USP2: variants seen among roughly 807,000 people sequenced by gnomAD.
USP2 encodes ubiquitin carboxyl-terminal hydrolase 2.
USP2 carries 33 observed loss-of-function variants against 72.0 expected under a neutral mutation model. The ratio of observed to expected loss-of-function variants is 0.46; its 90% CI spans 0.35 to 0.61. USP2 has a LOEUF of 0.61. USP2 is among the 20% of genes least tolerant of loss of function. The pLI, the probability that USP2 is intolerant of heterozygous loss-of-function variation, is 0.01. For missense variants in USP2, 691 were observed against 797.8 expected, an observed-to-expected ratio of 0.87 and a Z score of 1.61; for synonymous variants, 296 against 312.5, an observed-to-expected ratio of 0.95 and a Z score of 0.56.
Position 119,364,412 on chromosome 11 carries a change from C to G in USP2, c.775-4178G>C, listed in dbSNP as rs533931194. On this transcript the variant is annotated intron_variant, in intron 2 of 12. Coordinates refer to ENST00000260187, the MANE Select transcript of USP2 (RefSeq NM_004205.5). The stretch of plus-strand genomic sequence containing the variant: ...GCTGACCCCCGGCCAGGCAGGCCCG[C>G]GGGGGAGGCAGGACCGGAGCCCTGA... 5.3e-5 allele frequency among the ~76,000 whole-genome samples: 8 copies of G among 152,192 alleles called. No homozygotes were observed. The South Asian group carries it at 1.7e-3, about 32-fold the overall frequency.
In USP2 at chr11:119,381,477, CTCT is replaced by C; in HGVS notation, c.-49_-47del. ...TCCCCGACAGGTGGCACGTACCTGC[CTCT>C]TCTTGGAGTATGGACGAGTCGAACC... On this transcript the variant is annotated 5_prime_UTR_variant, in exon 1 of 13. Coordinates refer to ENST00000260187, the MANE Select transcript of USP2 (RefSeq NM_004205.5). 6.5e-7 allele frequency: 1 copy of C among 1,536,174 alleles called. No homozygotes were observed. Among genetic ancestry groups the C allele is most frequent in the Non-Finnish European group, 8.7e-7 (1 of 1,146,904 alleles).
intron 1 of USP2, among the ~76,000 whole-genome samples, chr11:119,378,333 C>T (rs1199425081): frequency 4.2e-5 from 4 of 95,724 alleles, no homozygotes; most frequent in African/African-American, 8.1e-5. Context: ...GATGGGGGGG[C>T]GGGGGCATAT....
At chr11:119,380,105 T>C (rs1014392188) in intron 1 of USP2, among the ~76,000 whole-genome samples, 2 of 151,824 alleles carry the variant, frequency 1.3e-5, no homozygotes, top group African/African-American at 2.4e-5. Flanking sequence ...TTAGTAGAGA[T>C]GGGGTTTCAC....
At chr11:119,374,732 C>T (rs145543438) in intron 1 of USP2, among the ~76,000 whole-genome samples, 1 of 152,052 alleles carries the variant, frequency 6.6e-6, no homozygotes, top group African/African-American at 2.4e-5. Flanking sequence ...CGCCTTTCCC[C>T]GAGGGCATCA....
intron 1 of USP2, chr11:119,379,138 A>G (rs1459436593): frequency 1.0e-6 from 1 of 985,328 alleles, no homozygotes; most frequent in Non-Finnish European, 1.2e-6. Flanking sequence ...ACTGACTCCG[A>G]TATATATAGT....
intron 4 of USP2, 84 bp downstream of exon 4, chr11:119,359,453 C>T: frequency 6.2e-7 from 1 of 1,600,646 alleles, no homozygotes; most frequent in South Asian, 1.1e-5. Context: ...ATAGGAGTGT[C>T]TAAGACACAA....
chr11:119,363,906 A>G (rs1591322784), intron 2 of USP2: 1 of 997,888 alleles, frequency 1.0e-6, no homozygotes, highest in Non-Finnish European at 1.2e-6. Context: ...ACGGGGAGAG[A>G]GGGGAGCGCG....
At chr11:119,378,509 G>A (rs932780972) in intron 1 of USP2, among the ~76,000 whole-genome samples, 4 of 152,178 alleles carry the variant, frequency 2.6e-5, no homozygotes, top group African/African-American at 9.7e-5. Flanking sequence ...TCATCCAAGG[G>A]AATTTGGGTC....
intron 2 of USP2, among the ~76,000 whole-genome samples, chr11:119,370,449 A>G (rs146953796): frequency 3.9e-4 from 59 of 152,332 alleles, no homozygotes; most frequent in East Asian, 1.5e-3. Context: ...TCACGCTGCT[A>G]GTAAGCTGAG....
In USP2 at chr11:119,359,633, G is replaced by A; in HGVS notation, c.853C>T (p.Leu285=). 1.9e-6 allele frequency: 3 copies of A among 1,613,906 alleles called. No individual in the cohort carries two copies. Among genetic ancestry groups the A allele is most frequent in the Non-Finnish European group, 2.5e-6 (3 of 1,180,028 alleles). ...TCFMNSILQC[L]SNTRELRDYC... Reference sequence around the variant, plus strand: ...TCTCTCAACTCCCGAGTGTTGCTCAGGCACTGCAGAATTGAGTTCATGAAG... The same window carrying A: ...TCTCTCAACTCCCGAGTGTTGCTCAAGCACTGCAGAATTGAGTTCATGAAG... Residue 285 remains leucine, a synonymous_variant, in exon 4 of 13, where the codon CTG becomes TTG. Coordinates refer to ENST00000260187, the MANE Select transcript of USP2 (RefSeq NM_004205.5).
chr11:119,369,791 G>A (rs1330869441), intron 2 of USP2, among the ~76,000 whole-genome samples: 1 of 152,130 alleles, frequency 6.6e-6, no homozygotes, highest in Non-Finnish European at 1.5e-5. Flanking sequence ...CACTGGTCAC[G>A]AGCAGCCCGT....
intron 2 of USP2, among the ~76,000 whole-genome samples, chr11:119,362,666 G>A (rs1053217403): frequency 6.6e-6 from 1 of 152,126 alleles, no homozygotes; most frequent in Non-Finnish European, 1.5e-5. Context: ...TTTCTTACAG[G>A]ACAAACAATC....
chr11:119,356,733 G>T lies in USP2; in HGVS notation c.*102C>A. 1.6e-6 allele frequency: 2 copies of T among 1,236,474 alleles called. No homozygotes were observed. Among genetic ancestry groups the T allele is most frequent in the Non-Finnish European group, 1.1e-6 (1 of 899,054 alleles). The allele number at this position is 1,236,474 out of a possible 1,614,324, so 76.6% of individuals were successfully genotyped here. On this transcript the variant is annotated 3_prime_UTR_variant, in exon 13 of 13. Coordinates refer to ENST00000260187, the MANE Select transcript of USP2 (RefSeq NM_004205.5). ...GCAGCTTCAGGTTTGTTTTTCTCTT[G>T]TCAGGTTTGTGTGTTGTTGTTGTTG...
chr11:119,357,405 GCTCCCCTTCCTC>G (rs1950684590), intron 11 of USP2, 66 bp downstream of exon 11: 1 of 1,608,400 alleles, frequency 6.2e-7, no homozygotes, highest in South Asian at 1.1e-5. Flanking sequence ...GGTGCTGGCA[GCTCCCCTTCCTC>G]CTGCCCTCCC....
chr11:119,356,626 C>T lies in USP2; in HGVS notation c.*209G>A, dbSNP rs1044189357. On this transcript the variant is annotated 3_prime_UTR_variant, in exon 13 of 13. Coordinates refer to ENST00000260187, the MANE Select transcript of USP2 (RefSeq NM_004205.5). ...GGGCGATGCTGGCTCCACGTCCAGG[C>T]GATCTTCCCTGCCGGGCCACAGCTC... 1.8e-5 allele frequency: 10 copies of T among 561,320 alleles called. No homozygotes were observed. Among genetic ancestry groups the T allele is most frequent in the South Asian group, 4.7e-5 (2 of 42,460 alleles). 34.8% of individuals were successfully genotyped at this position (561,320 alleles called of 1,614,324 possible). A position where few individuals can be genotyped will look rare whatever the true frequency, so the allele number is the denominator to read the frequency against.
In USP2 at chr11:119,356,743, T is replaced by C; in HGVS notation, c.*92A>G. 8.0e-7 allele frequency: 1 copy of C among 1,246,546 alleles called. No homozygotes were observed. 77.2% of individuals were successfully genotyped at this position (1,246,546 alleles called of 1,614,324 possible). On this transcript the variant is annotated 3_prime_UTR_variant, in exon 13 of 13. Coordinates refer to ENST00000260187, the MANE Select transcript of USP2 (RefSeq NM_004205.5). ...GTTTGTTTTTCTCTTGTCAGGTTTG[T>C]GTGTTGTTGTTGTTGTTTTGTTTTT...
At chr11:119,379,147 G>C (rs966862627) in intron 1 of USP2, 1 of 985,352 alleles carries the variant, frequency 1.0e-6, no homozygotes, top group Non-Finnish European at 1.2e-6. Flanking sequence ...GATATATATA[G>C]TATCTTATCT....
Position 119,359,351 on chromosome 11 carries a change from A to G in USP2, c.950-9T>C. The G allele has an allele frequency of 6.2e-7, 1 of 1,610,710 alleles. No homozygotes were observed. Among genetic ancestry groups the G allele is most frequent in the South Asian group, 1.1e-5 (1 of 90,820 alleles). On this transcript the variant is annotated splice_polypyrimidine_tract_variant and intron_variant, in intron 4 of 12. Coordinates refer to ENST00000260187, the MANE Select transcript of USP2 (RefSeq NM_004205.5). Reference sequence around the variant, plus strand: ...AATTAGTTTTGCAAACTCTATTGGAAGGAGAGAGTGTACAGGACAGCTGAG... The same window carrying G: ...AATTAGTTTTGCAAACTCTATTGGAGGGAGAGAGTGTACAGGACAGCTGAG...
intron 10 of USP2, 83 bp downstream of exon 10, chr11:119,357,674 C>G: frequency 6.2e-7 from 1 of 1,613,352 alleles, no homozygotes. Context: ...CCGTTTCTTC[C>G]GACTGTTCCC....
Sources: gnomAD v4.1 joint callset for allele counts (sites outside exome capture counted in the v4.1 genomes callset) on GRCh38, gnomAD v4.1.1 for gene constraint, MANE v1.5 for transcripts, NCBI Gene and HGNC (gene_info 2026-07-23, HGNC 2026-07-21) for gene names.